Variants in URM1 observed in about 807,000 individuals in gnomAD.
The protein encoded by URM1 is ubiquitin related modifier 1.
In URM1, 11 loss-of-function variants were observed where a neutral mutation model predicts 17.7. That is an observed-to-expected ratio of 0.62 (90% confidence interval 0.39 to 1.03). The LOEUF is 1.03. Ranked by LOEUF, URM1 falls within the 50% of genes least tolerant of loss-of-function variation. The pLI is 0.00. For missense variants in URM1, 128 were observed against 129.2 expected, an observed-to-expected ratio of 0.99 and a Z score of 0.04; for synonymous variants, 48 against 50.6, an observed-to-expected ratio of 0.95 and a Z score of 0.22.
chr9:128,385,734 G>C (rs1336926373), intron 2 of URM1, among the ~76,000 whole-genome samples: 1 of 152,036 alleles, frequency 6.6e-6, no homozygotes, highest in African/African-American at 2.4e-5. Context: ...AGGCCAGGCC[G>C]AGTGGCCCTT....
intron 4 of URM1, 104 bp from the exon 5 acceptor site, chr9:128,389,562 T>C: frequency 1.3e-6 from 2 of 1,568,716 alleles, no homozygotes; most frequent in Non-Finnish European, 1.7e-6. Context: ...GTAGAGTCTG[T>C]CTCTTCCAGA....
chr9:128,375,560 T>A (rs536903796), intron 1 of URM1, among the ~76,000 whole-genome samples: 12 of 152,148 alleles, frequency 7.9e-5, no homozygotes, highest in African/African-American at 2.4e-4. Flanking sequence ...AAAATATTTT[T>A]AAATTATTAT....
At chr9:128,382,224 AGAGG>A (rs1833168088) in intron 2 of URM1, among the ~76,000 whole-genome samples, 2 of 152,124 alleles carry the variant, frequency 1.3e-5, no homozygotes, top group Non-Finnish European at 2.9e-5. Flanking sequence ...TGTTGTGCCC[AGAGG>A]CATGGGTCAC....
intron 4 of URM1, 48 bp downstream of exon 4, chr9:128,389,357 T>C (rs1255363600): frequency 2.5e-6 from 4 of 1,613,928 alleles, no homozygotes; most frequent in Non-Finnish European, 3.4e-6. Flanking sequence ...CCCTTGCTGC[T>C]TCAGTGGGAA....
At position 128,387,518 on chromosome 9, in the gene URM1, A is replaced by G. The variant is rs1447229992; in HGVS notation, c.107-298A>G. ...CCTGTCTCCTAACCCTTTAGATGCG[A>G]CAGTCCTCCCGCCGTCTGCCTTGAA... is the stretch of plus-strand genomic sequence containing the variant. On this transcript the variant is annotated intron_variant, in intron 2 of 4. Transcript: ENST00000372853. The surrounding 1 kb of genome is among the most constrained non-coding windows in gnomAD (Gnocchi z 4.3). Among the ~76,000 whole-genome samples, 5 of 152,124 alleles carry G rather than the reference A, an allele frequency of 3.3e-5. No homozygotes were observed. Among genetic ancestry groups the G allele is most frequent in the South Asian group, 2.1e-4 (1 of 4,828 alleles).
chr9:128,387,981 T>A lies in URM1; in HGVS notation c.188+84T>A. 2 of 1,551,028 alleles carry A rather than the reference T, an allele frequency of 1.3e-6. No homozygotes were observed. The highest frequency in any genetic ancestry group is 1.2e-5 in the South Asian group (1 of 82,274). ...CCCACCCTCGGGTTCAGTCCTGGCC[T>A]TCTCTGAATCCGGTTCTCCCCTTCC... is the stretch of plus-strand genomic sequence containing the variant. On this transcript the variant is annotated intron_variant, in intron 3 of 4. Transcript: ENST00000372853. The surrounding 1 kb of genome is among the most constrained non-coding windows in gnomAD (Gnocchi z 4.3).
At chr9:128,371,753 G>A (rs1417706990) in intron 1 of URM1, among the ~76,000 whole-genome samples, 1 of 152,186 alleles carries the variant, frequency 6.6e-6, no homozygotes, top group Non-Finnish European at 1.5e-5. Flanking sequence ...TTTGGCATCT[G>A]AGCTCCTAGA....
Position 128,389,988 on chromosome 9 carries a change from C to T in URM1, c.*254C>T. Reference sequence around the variant, plus strand: ...CAGCAGCTGTGGTGGGGGAGGGTTCCCCTCCAGTTTGTCAAGAGTTGAAGG... The same window carrying T: ...CAGCAGCTGTGGTGGGGGAGGGTTCTCCTCCAGTTTGTCAAGAGTTGAAGG... On this transcript the variant is annotated 3_prime_UTR_variant, in exon 5 of 5. Transcript: ENST00000372853. 1 of 556,830 alleles carries T rather than the reference C, an allele frequency of 1.8e-6. No individual in the cohort carries two copies. Among genetic ancestry groups the T allele is most frequent in the Middle Eastern group, 4.8e-4 (1 of 2,104 alleles). The allele number at this position is 556,830 out of a possible 1,614,324, so 34.5% of individuals were successfully genotyped here. A position where few individuals can be genotyped will look rare whatever the true frequency, so the allele number is the denominator to read the frequency against.
At chr9:128,373,690 T>A (rs1411756540) in intron 1 of URM1, among the ~76,000 whole-genome samples, 2 of 152,164 alleles carry the variant, frequency 1.3e-5, no homozygotes, top group East Asian at 3.8e-4. Flanking sequence ...AAGGCCCAGA[T>A]ATGGAGTTCT....
chr9:128,378,244 CAA>C, intron 2 of URM1, 138 bp downstream of exon 2: 1 of 628,384 alleles, frequency 1.6e-6, no homozygotes, highest in Non-Finnish European at 2.7e-6. Flanking sequence ...GGAATAAAAA[CAA>C]GAGTCTACAC....
At chr9:128,379,426 C>T (rs1833127688) in intron 2 of URM1, among the ~76,000 whole-genome samples, 1 of 152,106 alleles carries the variant, frequency 6.6e-6, no homozygotes. Context: ...TTGCAGTGAA[C>T]CAAGATCGCA....
Position 128,388,313 on chromosome 9 carries a change from A to G in URM1, c.188+416A>G. 7 of 1,054,466 alleles carry G rather than the reference A, an allele frequency of 6.6e-6. No individual in the cohort carries two copies. In the South Asian group the frequency reaches 2.3e-4, roughly 35 times the overall value. 65.3% of individuals were successfully genotyped at this position (1,054,466 alleles called of 1,614,324 possible). A position where few individuals can be genotyped will look rare whatever the true frequency, so the allele number is the denominator to read the frequency against. ...AGCCACATGCAGCTAGTAGATTACC[A>G]TACAGTGCAGCACGGGTCTAGAATT... On this transcript the variant is annotated intron_variant, in intron 3 of 4. Transcript: ENST00000372853.
At chr9:128,380,677 C>T (rs143756853) in intron 2 of URM1, among the ~76,000 whole-genome samples, 12,033 of 149,338 alleles carry the variant, frequency 0.081, 681 homozygotes, top group East Asian at 0.18. Flanking sequence ...GCTCTGTCTC[C>T]CAGGCTGAAG....
intron 2 of URM1, among the ~76,000 whole-genome samples, chr9:128,385,713 G>A (rs1300984577): frequency 2.0e-5 from 3 of 152,176 alleles, no homozygotes; most frequent in Admixed American, 6.5e-5. Flanking sequence ...ATGTCCCTGG[G>A]GGTGTGTTTC....
intron 2 of URM1, among the ~76,000 whole-genome samples, chr9:128,386,129 C>G (rs1007240963): frequency 6.6e-6 from 1 of 152,230 alleles, no homozygotes; most frequent in Non-Finnish European, 1.5e-5. Flanking sequence ...CCATGCAGGC[C>G]AGGCACTGCC....
chr9:128,381,025 C>T (rs1309019207), intron 2 of URM1, among the ~76,000 whole-genome samples: 1 of 152,078 alleles, frequency 6.6e-6, no homozygotes, highest in Non-Finnish European at 1.5e-5. Flanking sequence ...GGGGTTTCAC[C>T]ATGTTAGCCA....
chr9:128,374,574 C>G (rs895315989), intron 1 of URM1, among the ~76,000 whole-genome samples: 1 of 152,236 alleles, frequency 6.6e-6, no homozygotes, highest in African/African-American at 2.4e-5. Flanking sequence ...CCTCCTCTCC[C>G]CCTCCACATT....
At chr9:128,378,171 A>T (rs1430219485) in intron 2 of URM1, 65 bp downstream of exon 2, 2 of 1,196,734 alleles carry the variant, frequency 1.7e-6, no homozygotes, top group Non-Finnish European at 2.4e-6. Context: ...CATGGGGAAC[A>T]CTCAGCCCCG....
At chr9:128,389,470 A>G (rs1268467160) in intron 4 of URM1, 161 bp downstream of exon 4, 1 of 1,566,148 alleles carries the variant, frequency 6.4e-7, no homozygotes, top group East Asian at 2.4e-5. Flanking sequence ...CCAGGTGAGG[A>G]AGGGATGGGT....
Sources: gnomAD v4.1 joint callset for allele counts (sites outside exome capture counted in the v4.1 genomes callset) on GRCh38, gnomAD v4.1.1 for gene constraint, Gnocchi (gnomAD v3.1) non-coding constraint, MANE v1.5 for transcripts, NCBI Gene and HGNC (gene_info 2026-07-23, HGNC 2026-07-21) for gene names.